SOX9: variants seen among roughly 807,000 people sequenced by gnomAD.
The protein encoded by SOX9 is SRY-box transcription factor 9.
Under a neutral mutation model 44.8 loss-of-function variants are expected in SOX9, and 2 were observed. That is an observed-to-expected ratio of 0.04 (90% CI 0.02 to 0.14). The LOEUF (loss-of-function observed/expected upper bound fraction) is 0.14, where lower values mean the gene tolerates loss of function less well. Among genes scored for constraint, SOX9 ranks in the 10% least tolerant of loss-of-function variants. SOX9 has a pLI of 1.00. For missense variants in SOX9, 583 were observed against 728.6 expected (o/e 0.80, Z 2.30); for synonymous variants, 381 against 331.8 (o/e 1.15, Z -1.61).
At position 72,123,849 on chromosome 17, in the gene SOX9, C is replaced by A. The variant is rs751049318; in HGVS notation, c.992C>A (p.Ala331Glu). The change falls in exon 3 of 3, where the codon GCG becomes GAG. Residue 331 changes from alanine (A) to glutamate (E), a missense_variant. Ala to Glu is a moderately radical substitution (Grantham distance 107, BLOSUM62 -1). This residue lies in a region of SOX9 where 349 missense variants were observed against 387.0 expected (regional missense o/e 0.90). Transcript: ENST00000245479. The surrounding 1 kb of genome is among the most constrained non-coding windows in gnomAD (Gnocchi z 6.5). ...ISSTAATPAS[A>E]GHVWMSKQQA... ...AGCACCGCGGCCACCCCGGCGAGCG[C>A]GGGCCACGTGTGGATGTCCAAGCAG... 6.3e-7 allele frequency: 1 copy of A among 1,593,268 alleles called. No individual in the cohort carries two copies. Among genetic ancestry groups the A allele is most frequent in the Non-Finnish European group, 8.5e-7 (1 of 1,171,476 alleles).
rs1451075948 is a variant in SOX9, at chr17:72,125,143, T to C, written c.*756T>C. On this transcript the variant is annotated 3_prime_UTR_variant, in exon 3 of 3. Transcript: ENST00000245479. ...GCCTTAAAAAAAAATAAAGGCCTTA[T>C]TTTGCAATTATGGGAGTAAACAATA... The C allele has an allele frequency of 4.4e-6, 1 of 226,830 alleles. No individual in the cohort carries two copies. Among genetic ancestry groups the C allele is most frequent in the African/African-American group, 2.2e-5 (1 of 44,946 alleles). The allele number at this position is 226,830 out of a possible 1,614,324, so 14.1% of individuals were successfully genotyped here. A position where few individuals can be genotyped will look rare whatever the true frequency, so the allele number is the denominator to read the frequency against.
In SOX9 at chr17:72,124,422, T is replaced by G. The variant is rs1316132302; in HGVS notation, c.*35T>G. On this transcript the variant is annotated 3_prime_UTR_variant, in exon 3 of 3. Transcript: ENST00000245479. This position sits in a 1 kb window ranked among gnomAD's most constrained non-coding sequence, Gnocchi z 4.6. The stretch of plus-strand genomic sequence containing the variant: ...CCACGAAGGGCGAAGATGGCCGAGA[T>G]GATCCTAAAAATAACCGAAGAAAGA... The G allele has an allele frequency of 6.3e-7, 1 of 1,598,520 alleles. No homozygotes were observed. The highest frequency in any genetic ancestry group is 8.5e-7 in the Non-Finnish European group (1 of 1,178,948).
Position 72,124,129 on chromosome 17 carries a change from C to A in SOX9, c.1272C>A (p.Asn424Lys), listed in dbSNP as rs2143256185. 3 of 1,613,886 alleles carry A rather than the reference C, an allele frequency of 1.9e-6. No homozygotes were observed. Among genetic ancestry groups the A allele is most frequent in the Non-Finnish European group, 2.5e-6 (3 of 1,180,028 alleles). ...AACAGATCGCCTACAGCCCCTTCAA[C>A]CTCCCACACTACAGCCCCTCCTACC... Reference protein sequence around the residue: ...SPQQIAYSPFNLPHYSPSYPP... With the variant: ...SPQQIAYSPFKLPHYSPSYPP... The change falls in exon 3 of 3, where the codon AAC becomes AAA. Residue 424 changes from asparagine (N) to lysine (K), a missense_variant. This residue lies in a region of SOX9 where 349 missense variants were observed against 387.0 expected (regional missense o/e 0.90). Transcript: ENST00000245479. The surrounding 1 kb of genome is among the most constrained non-coding windows in gnomAD (Gnocchi z 4.6).
rs372158546 is a variant in SOX9 at position 72,124,178 on chromosome 17, G to A, written c.1321G>A (p.Asp441Asn). ...CCCGCCCATCACCCGCTCACAGTAC[G>A]ACTACACCGACCACCAGAACTCCAG... ...SYPPITRSQY[D>N]YTDHQNSSSY... The change falls in exon 3 of 3, where the codon GAC becomes AAC. Residue 441 changes from aspartate (D) to asparagine (N), a missense_variant. Asp to Asn is a conservative substitution (Grantham distance 23). Coordinates refer to ENST00000245479, the MANE Select transcript of SOX9 (RefSeq NM_000346.4). This position sits in a 1 kb window ranked among gnomAD's most constrained non-coding sequence, Gnocchi z 4.6. 9.9e-6 allele frequency: 16 copies of A among 1,613,514 alleles called. No individual in the cohort carries two copies. The highest frequency in any genetic ancestry group is 1.2e-5 in the Non-Finnish European group (14 of 1,179,988).
In SOX9 at chr17:72,126,402, A is replaced by T. The variant is rs2143265229; in HGVS notation, c.*2015A>T. On this transcript the variant is annotated 3_prime_UTR_variant, in exon 3 of 3. Coordinates refer to ENST00000245479, the MANE Select transcript of SOX9 (RefSeq NM_000346.4). ...GTATATTATTGTTTACAATAAATATACATTGCATTAAAAAGAAAGTGGCCC... is the reference window on the plus strand; with the variant it reads ...GTATATTATTGTTTACAATAAATATTCATTGCATTAAAAAGAAAGTGGCCC... The T allele has an allele frequency of 8.8e-6, 2 of 227,494 alleles. No homozygotes were observed. Among genetic ancestry groups the T allele is most frequent in the African/African-American group, 4.5e-5 (2 of 44,328 alleles). 14.1% of individuals were successfully genotyped at this position (227,494 alleles called of 1,614,324 possible).
Position 72,124,551 on chromosome 17 carries a change from G to A in SOX9, c.*164G>A. ...CTTCCTTAAAGACATTTAAGCTAAA[G>A]GCAACTCGTACCCAAATTTCCAAGA... On this transcript the variant is annotated 3_prime_UTR_variant, in exon 3 of 3. Coordinates refer to ENST00000245479, the MANE Select transcript of SOX9 (RefSeq NM_000346.4). The surrounding 1 kb of genome is among the most constrained non-coding windows in gnomAD (Gnocchi z 4.6). 2 of 926,898 alleles carry A rather than the reference G, an allele frequency of 2.2e-6. No homozygotes were observed. Among genetic ancestry groups the A allele is most frequent in the African/African-American group, 1.6e-5 (1 of 61,120 alleles). The allele number at this position is 926,898 out of a possible 1,614,324, so 57.4% of individuals were successfully genotyped here.
rs781278609 is a variant in SOX9 at position 72,123,977 on chromosome 17, C to T, written c.1120C>T (p.Pro374Ser). The T allele has an allele frequency of 2.0e-6, 3 of 1,522,712 alleles. No individual in the cohort carries two copies. The highest frequency in any genetic ancestry group is 2.6e-5 in the South Asian group (2 of 77,296). The allele number at this position is 1,522,712 out of a possible 1,614,324, so 94.3% of individuals were successfully genotyped here. A position where few individuals can be genotyped will look rare whatever the true frequency, so the allele number is the denominator to read the frequency against. ...GCCCCCACAGCAGCCGGCGGCACCC[C>T]CGCAGCAGCCACAGGCGCACACGCT... is the stretch of plus-strand genomic sequence containing the variant. ...AAPPQQPAAP[P>S]QQPQAHTLTT... is the part of the protein sequence containing the mutation. The change falls in exon 3 of 3, where the codon CCG becomes TCG. Residue 374 changes from proline (P) to serine (S), a missense_variant. By Grantham distance (74) the Pro-to-Ser change is moderately conservative (BLOSUM62 -1). Coordinates refer to ENST00000245479, the MANE Select transcript of SOX9 (RefSeq NM_000346.4). The surrounding 1 kb of genome is among the most constrained non-coding windows in gnomAD (Gnocchi z 6.5).
In SOX9 at chr17:72,122,870, C is replaced by G. The variant is rs1480235826; in HGVS notation, c.583C>G (p.Gln195Glu). The change falls in exon 2 of 3, where the codon CAG becomes GAG. Residue 195 changes from glutamine (Q) to glutamate (E), a missense_variant. Transcript: ENST00000245479. ...GQAEAEEATE[Q>E]THISPNAIFK... ...GGCGGAGGCAGAGGAGGCCACGGAG[C>G]AGACGCACATCTCCCCCAACGCCAT... 1.9e-6 allele frequency: 3 copies of G among 1,614,046 alleles called. No homozygotes were observed. Among genetic ancestry groups the G allele is most frequent in the East Asian group, 4.5e-5 (2 of 44,886 alleles).
At position 72,123,021 on chromosome 17, in the gene SOX9, G is replaced by C. The variant is rs2143247942; in HGVS notation, c.685+49G>C. 4.4e-6 allele frequency: 7 copies of C among 1,601,870 alleles called. No homozygotes were observed. Among genetic ancestry groups the C allele is most frequent in the South Asian group, 1.1e-5 (1 of 90,922 alleles). ...GGACAAGCTATCTCCGTCCCGCCTG[G>C]CACACCCCCTGCCCTCCGCCTGGGA... On this transcript the variant is annotated intron_variant, in intron 2 of 2. Coordinates refer to ENST00000245479, the MANE Select transcript of SOX9 (RefSeq NM_000346.4). The surrounding 1 kb of genome is among the most constrained non-coding windows in gnomAD (Gnocchi z 6.5).
At position 72,123,008 on chromosome 17, in the gene SOX9, T is replaced by A. The variant is rs1908156742; in HGVS notation, c.685+36T>A. ...CCTCGACCCCACCGGACAAGCTATC[T>A]CCGTCCCGCCTGGCACACCCCCTGC... is the stretch of plus-strand genomic sequence containing the variant. On this transcript the variant is annotated intron_variant, in intron 2 of 2. Coordinates refer to ENST00000245479, the MANE Select transcript of SOX9 (RefSeq NM_000346.4). The surrounding 1 kb of genome is among the most constrained non-coding windows in gnomAD (Gnocchi z 6.5). 1 of 1,606,860 alleles carries A rather than the reference T, an allele frequency of 6.2e-7. No homozygotes were observed. Among genetic ancestry groups the A allele is most frequent in the Admixed American group, 1.7e-5 (1 of 59,972 alleles).
chr17:72,123,038 C>T lies in SOX9; in HGVS notation c.685+66C>T, dbSNP rs1184905554. On this transcript the variant is annotated intron_variant, in intron 2 of 2. Transcript: ENST00000245479. The surrounding 1 kb of genome is among the most constrained non-coding windows in gnomAD (Gnocchi z 6.5). ...CCCGCCTGGCACACCCCCTGCCCTC[C>T]GCCTGGGAGATTCTTCGTGGGGACT... 4 of 1,583,796 alleles carry T rather than the reference C, an allele frequency of 2.5e-6. No homozygotes were observed. Among genetic ancestry groups the T allele is most frequent in the South Asian group, 2.2e-5 (2 of 90,450 alleles).
In SOX9 at chr17:72,125,743, G is replaced by T. The variant is rs1378608384; in HGVS notation, c.*1356G>T. The T allele has an allele frequency of 1.3e-5, 3 of 225,528 alleles. No individual in the cohort carries two copies. Among genetic ancestry groups the T allele is most frequent in the Non-Finnish European group, 2.6e-5 (3 of 113,228 alleles). The allele number at this position is 225,528 out of a possible 1,614,324, so 14.0% of individuals were successfully genotyped here. A position where few individuals can be genotyped will look rare whatever the true frequency, so the allele number is the denominator to read the frequency against. On this transcript the variant is annotated 3_prime_UTR_variant, in exon 3 of 3. Coordinates refer to ENST00000245479, the MANE Select transcript of SOX9 (RefSeq NM_000346.4). ...TTCCTCACCCTAGATTTGTATAAAT[G>T]CCTTTTTGTCCATCCCTTTTTTCTT...
At position 72,124,096 on chromosome 17, in the gene SOX9, C is replaced by A. The variant is rs2143255850; in HGVS notation, c.1239C>A (p.His413Gln). ...GCCACTACAGCGAGCAGCAGCAGCA[C>A]TCGCCCCAACAGATCGCCTACAGCC... ...SPSHYSEQQQ[H>Q]SPQQIAYSPF... Residue 413 changes from histidine to glutamine, a missense_variant, in exon 3 of 3, where the codon CAC (histidine) becomes CAA (glutamine). His to Gln is a conservative substitution (Grantham distance 24). Around this residue, in one of 7 missense-constraint regions of SOX9, gnomAD observed 349 missense variants for 387.0 expected, o/e 0.90. Coordinates refer to ENST00000245479, the MANE Select transcript of SOX9 (RefSeq NM_000346.4). The surrounding 1 kb of genome is among the most constrained non-coding windows in gnomAD (Gnocchi z 4.6). 1.2e-6 allele frequency: 2 copies of A among 1,613,776 alleles called. No individual in the cohort carries two copies. Among genetic ancestry groups the A allele is most frequent in the Non-Finnish European group, 1.7e-6 (2 of 1,179,980 alleles).
chr17:72,121,107 A>T lies in SOX9; in HGVS notation c.-285A>T. On this transcript the variant is annotated 5_prime_UTR_variant, in exon 1 of 3. Coordinates refer to ENST00000245479, the MANE Select transcript of SOX9 (RefSeq NM_000346.4). The surrounding 1 kb of genome is among the most constrained non-coding windows in gnomAD (Gnocchi z 8.3). ...TTCAACCCCGGAAACTTTTCTTTGC[A>T]GGAGGAGAAGAGAAGGGGTGCAAGC... 1 of 546,012 alleles carries T rather than the reference A, an allele frequency of 1.8e-6. No individual in the cohort carries two copies. The highest frequency in any genetic ancestry group is 3.2e-6 in the Non-Finnish European group (1 of 312,752). The allele number at this position is 546,012 out of a possible 1,614,324, so 33.8% of individuals were successfully genotyped here.
rs11448561 is a variant in SOX9, at chr17:72,126,364, C to CTTTTTTTTTTTT, written c.*1978_*1989dup. ...AACTTACCTTTCCCTTTTTCTTTCT[C>CTTTTTTTTTTTT]TTTTTTTTTTTTGTATATTATTGTT... is the stretch of plus-strand genomic sequence containing the variant. On this transcript the variant is annotated 3_prime_UTR_variant, in exon 3 of 3. Transcript: ENST00000245479. 1.5e-5 allele frequency: 3 copies of CTTTTTTTTTTTT among 204,446 alleles called. No homozygotes were observed. The highest frequency in any genetic ancestry group is 2.4e-5 in the African/African-American group (1 of 42,358). The allele number at this position is 204,446 out of a possible 1,614,324, so 12.7% of individuals were successfully genotyped here.
In SOX9 at chr17:72,124,187, G is replaced by A. The variant is rs551719325; in HGVS notation, c.1330G>A (p.Asp444Asn). The change falls in exon 3 of 3, where the codon GAC becomes AAC. Residue 444 changes from aspartate (D) to asparagine (N), a missense_variant. Coordinates refer to ENST00000245479, the MANE Select transcript of SOX9 (RefSeq NM_000346.4). The surrounding 1 kb of genome is among the most constrained non-coding windows in gnomAD (Gnocchi z 4.6). ...CACCCGCTCACAGTACGACTACACC[G>A]ACCACCAGAACTCCAGCTCCTACTA... The part of the protein sequence containing the change: ...PITRSQYDYT[D>N]HQNSSSYYSH... The A allele has an allele frequency of 1.1e-5, 18 of 1,613,486 alleles. No homozygotes were observed. The African/African-American group carries it at 1.9e-4, about 17-fold the overall frequency.
In SOX9 at chr17:72,121,664, G is replaced by T. The variant is rs755459350; in HGVS notation, c.273G>T (p.Met91Ile). Residue 91 changes from methionine to isoleucine, a missense_variant, in exon 1 of 3, where the codon ATG becomes ATT. Coordinates refer to ENST00000245479, the MANE Select transcript of SOX9 (RefSeq NM_000346.4). This position sits in a 1 kb window ranked among gnomAD's most constrained non-coding sequence, Gnocchi z 8.3. ...LKGYDWTLVP[M>I]PVRVNGSSKN... ...GCTACGACTGGACGCTGGTGCCCAT[G>T]CCGGTGCGCGTCAACGGCTCCAGCA... The T allele has an allele frequency of 3.7e-6, 6 of 1,600,228 alleles. No homozygotes were observed. In the Admixed American group the frequency reaches 8.6e-5, roughly 23 times the overall value.
In SOX9 at chr17:72,126,280, G is replaced by A. The variant is rs554936811; in HGVS notation, c.*1893G>A. 2.4e-4 allele frequency: 55 copies of A among 232,206 alleles called. No individual in the cohort carries two copies. Among genetic ancestry groups the A allele is most frequent in the African/African-American group, 2.9e-4 (13 of 45,112 alleles). The allele number at this position is 232,206 out of a possible 1,614,324, so 14.4% of individuals were successfully genotyped here. The stretch of plus-strand genomic sequence containing the variant: ...TAGGTAAAAGCTTTGGTTTGTGTTC[G>A]TGTTTTGTTTGTTTCACTTGTTTCC... On this transcript the variant is annotated 3_prime_UTR_variant, in exon 3 of 3. Transcript: ENST00000245479.
Position 72,121,928 on chromosome 17 carries a change from G to C in SOX9, c.431+106G>C. On this transcript the variant is annotated intron_variant, in intron 1 of 2. Transcript: ENST00000245479. The surrounding 1 kb of genome is among the most constrained non-coding windows in gnomAD (Gnocchi z 8.3). ...CGCCTCCCATCGCCCGGGAGTTGCC[G>C]TTCCGGGAGCCGGCGGGATGGGGTT... is the stretch of plus-strand genomic sequence containing the variant. 1 of 1,356,074 alleles carries C rather than the reference G, an allele frequency of 7.4e-7. No homozygotes were observed. The highest frequency in any genetic ancestry group is 9.8e-7 in the Non-Finnish European group (1 of 1,022,342). 84.0% of individuals were successfully genotyped at this position (1,356,074 alleles called of 1,614,324 possible).
Sources: gnomAD v4.1 joint callset for allele counts on GRCh38, gnomAD v4.1.1 for gene constraint, gnomAD v4.1.1 regional missense constraint, Gnocchi (gnomAD v3.1) non-coding constraint, MANE v1.5 for transcripts, NCBI Gene and HGNC (gene_info 2026-07-23, HGNC 2026-07-21) for gene names.